LSAMP: variants seen among roughly 807,000 people sequenced by gnomAD.
The protein encoded by LSAMP is limbic system-associated membrane protein.
In LSAMP, 7 loss-of-function variants were observed where a neutral mutation model predicts 38.6. The observed-to-expected ratio is 0.18, with a 90% CI of 0.10 to 0.34. The LOEUF is 0.34. Among genes scored for constraint, LSAMP ranks in the 10% least tolerant of loss-of-function variants. The pLI is 1.00. For synonymous variants in LSAMP, 154 were observed against 166.8 expected, an observed-to-expected ratio of 0.92 and a Z score of 0.59; for missense variants, 313 against 420.0, an observed-to-expected ratio of 0.75 and a Z score of 2.23.
intron 1 of LSAMP, among the ~76,000 whole-genome samples, chr3:116,096,345 A>G (rs146488715): frequency 2.6e-4 from 40 of 152,322 alleles, no homozygotes; most frequent in Non-Finnish European, 4.6e-4. Context: ...TTTGGGATCA[A>G]TCCAGCAACT....
At chr3:115,976,831 T>G (rs992767715) in intron 3 of LSAMP, among the ~76,000 whole-genome samples, 1 of 152,148 alleles carries the variant, frequency 6.6e-6, no homozygotes, top group Non-Finnish European at 1.5e-5. Flanking sequence ...TTGCTTCCCC[T>G]TTGCCTTCTG....
intron 3 of LSAMP, among the ~76,000 whole-genome samples, chr3:115,891,525 A>G (rs1936600409): frequency 6.6e-6 from 1 of 152,030 alleles, no homozygotes; most frequent in African/African-American, 2.4e-5. Flanking sequence ...CTGGCCCACC[A>G]TCAGTGCTGA....
chr3:116,219,029 T>C (rs1559787577), intron 1 of LSAMP, among the ~76,000 whole-genome samples: 1 of 152,338 alleles, frequency 6.6e-6, no homozygotes, highest in East Asian at 1.9e-4. Flanking sequence ...ATAAGTACCA[T>C]ATCATATAGT....
intron 1 of LSAMP, among the ~76,000 whole-genome samples, chr3:116,256,539 AT>A (rs1222317439): frequency 6.6e-6 from 1 of 152,200 alleles, no homozygotes. Flanking sequence ...TGATGATATA[AT>A]TAATATATAA....
rs576915515 is a variant in LSAMP at position 115,997,837 on chromosome 3, G to A, written c.514+21678C>T. The stretch of plus-strand genomic sequence containing the variant: ...ACTAATATATGTATTTTATATATTA[G>A]AATATATATTATGTATTTTATATAT... On this transcript the variant is annotated intron_variant, in intron 3 of 6. Transcript: ENST00000490035. Among the ~76,000 whole-genome samples the A allele has an allele frequency of 7.5e-3, 1,036 of 137,560 alleles. 12 individuals carry two copies. Among genetic ancestry groups the A allele is most frequent in the African/African-American group, 0.027 (987 of 37,008 alleles). 90.2% of individuals were successfully genotyped at this position (137,560 alleles called of 152,430 possible). A position where few individuals can be genotyped will look rare whatever the true frequency, so the allele number is the denominator to read the frequency against.
At chr3:116,075,383 G>C (rs1034641652) in intron 2 of LSAMP, among the ~76,000 whole-genome samples, 1 of 148,710 alleles carries the variant, frequency 6.7e-6, no homozygotes, top group Non-Finnish European at 1.5e-5. Context: ...TGATCCGCCC[G>C]CCTCAGCCTC....
At chr3:116,183,365 A>G (rs1231434735) in intron 1 of LSAMP, among the ~76,000 whole-genome samples, 1 of 151,924 alleles carries the variant, frequency 6.6e-6, no homozygotes. Context: ...GATATGTACA[A>G]GTAAGACAAT....
At chr3:116,435,622 A>G (rs77907598) in intron 1 of LSAMP, among the ~76,000 whole-genome samples, 5,430 of 152,218 alleles carry the variant, frequency 0.036, 142 homozygotes, top group South Asian at 0.11. Context: ...ACCACTCAGG[A>G]GCCAGAGCTG....
intron 3 of LSAMP, among the ~76,000 whole-genome samples, chr3:116,005,888 G>A (rs1940144150): frequency 6.6e-6 from 1 of 152,144 alleles, no homozygotes; most frequent in Admixed American, 6.5e-5. Flanking sequence ...GCAATAGGGT[G>A]GCAGTACTGG....
intron 1 of LSAMP, among the ~76,000 whole-genome samples, chr3:116,183,774 G>A (rs1189527581): frequency 1.3e-5 from 2 of 151,684 alleles, no homozygotes; most frequent in African/African-American, 4.8e-5. Context: ...ACATTTAAAA[G>A]CATCCCTGAT....
intron 1 of LSAMP, among the ~76,000 whole-genome samples, chr3:116,087,832 A>G (rs568905619): frequency 1.1e-3 from 171 of 152,206 alleles, no homozygotes; most frequent in African/African-American, 3.9e-3. Context: ...CATTTATGGT[A>G]TAATACAAAG....
rs568297481 is a variant in LSAMP, at chr3:116,214,113, ACATCT to A, written c.156-127562_156-127558del. Among the ~76,000 whole-genome samples the A allele has an allele frequency of 3.3e-4, 51 of 152,370 alleles. No individual in the cohort carries two copies. In the East Asian group the frequency reaches 9.4e-3, roughly 28 times the overall value. On this transcript the variant is annotated intron_variant, in intron 1 of 6. Transcript: ENST00000490035. ...ATTTATGGGATATTTAAAAGCATAC[ACATCT>A]CATACTGAAAAAAGCAAATGTCAAC... is the stretch of plus-strand genomic sequence containing the variant.
chr3:116,154,337 A>G (rs1330966584), intron 1 of LSAMP, among the ~76,000 whole-genome samples: 15 of 152,136 alleles, frequency 9.9e-5, no homozygotes, highest in Admixed American at 9.8e-4. Flanking sequence ...TTTAATAACA[A>G]AAGTTGGAAC....
chr3:116,147,152 T>C lies in LSAMP; in HGVS notation c.156-60596A>G, dbSNP rs10212226. ...AAAAGCCAATTTTTTTACACATACC[T>C]ATGCTAAGCTTGACATACGTTCTAT... On this transcript the variant is annotated intron_variant, in intron 1 of 6. Coordinates refer to ENST00000490035, the MANE Select transcript of LSAMP (RefSeq NM_002338.5). Among the ~76,000 whole-genome samples the C allele has an allele frequency of 9.4e-3, 1,428 of 152,032 alleles. 19 individuals carry two copies. The highest frequency in any genetic ancestry group is 0.031 in the African/African-American group (1,293 of 41,540).
At chr3:116,104,086 C>A (rs553687613) in intron 1 of LSAMP, among the ~76,000 whole-genome samples, 7 of 150,862 alleles carry the variant, frequency 4.6e-5, no homozygotes, top group Non-Finnish European at 8.9e-5. Context: ...TTTCTTTCCC[C>A]ATCACTGAGT....
chr3:116,158,124 T>C (rs1404854391), intron 1 of LSAMP, among the ~76,000 whole-genome samples: 2 of 152,150 alleles, frequency 1.3e-5, no homozygotes, highest in Non-Finnish European at 2.9e-5. Context: ...TCTTAATAGA[T>C]ACAGAAAAGG....
chr3:116,350,390 T>C (rs143037071), intron 1 of LSAMP, among the ~76,000 whole-genome samples: 39 of 152,226 alleles, frequency 2.6e-4, no homozygotes, highest in Middle Eastern at 3.4e-3. Context: ...TGATTTCTGT[T>C]ACTCTCAGCT....
At chr3:116,164,742 C>A (rs1183941487) in intron 1 of LSAMP, among the ~76,000 whole-genome samples, 7 of 53,700 alleles carry the variant, frequency 1.3e-4, no homozygotes, top group East Asian at 1.1e-3. Flanking sequence ...ATATATATAT[C>A]CATATATATA....
At position 116,086,556 on chromosome 3, in the gene LSAMP, C is replaced by A. The variant is rs1446890174; in HGVS notation, c.156G>T (p.Arg52Ser). Residue 52 changes from arginine (R) to serine (S), a missense_variant and splice_region_variant, in exon 2 of 7, where the codon AGG becomes AGT. Coordinates refer to ENST00000490035, the MANE Select transcript of LSAMP (RefSeq NM_002338.5). ...TTGAGTTCTTGTCTTCTACAACGCA[C>A]CTGACAGAGCAGAGTAACAATATTA... ...TVRQGDTAIL[R>S]CVVEDKNSKV... is the part of the protein sequence containing the mutation. 1 of 1,612,806 alleles carries A rather than the reference C, an allele frequency of 6.2e-7. No individual in the cohort carries two copies. Among genetic ancestry groups the A allele is most frequent in the Admixed American group, 1.7e-5 (1 of 60,030 alleles).
Sources: gnomAD v4.1 joint callset for allele counts (sites outside exome capture counted in the v4.1 genomes callset) on GRCh38, gnomAD v4.1.1 for gene constraint, MANE v1.5 for transcripts, NCBI Gene and HGNC (gene_info 2026-07-23, HGNC 2026-07-21) for gene names.